Variants in PCDH11X observed in about 807,000 individuals in gnomAD.
PCDH11X encodes protocadherin 11 X-linked, also known as protocadherin-11 X-linked.
A neutral mutation model predicts 53.3 loss-of-function variants in PCDH11X; 18 were observed. The observed-to-expected ratio is 0.34, with a 90% CI of 0.23 to 0.50. PCDH11X has a LOEUF of 0.50. PCDH11X is among the 20% of genes least tolerant of loss of function. The probability of loss-of-function intolerance (pLI) is 0.98; values close to 1 mark genes in which losing one functional copy is unlikely to be tolerated. For missense variants in PCDH11X, 570 were observed against 1,032.4 expected, an observed-to-expected ratio of 0.55 and a Z score of 6.14; for synonymous variants, 279 against 393.3, an observed-to-expected ratio of 0.71 and a Z score of 3.44.
At chrX:91,998,163 A>T (rs1370690178) in intron 6 of PCDH11X, among the ~76,000 whole-genome samples, 1 of 109,947 alleles carries the variant, frequency 9.1e-6, no homozygotes, top group African/African-American at 3.3e-5. Flanking sequence ...CGAACTCCTG[A>T]CCTCAAGTGA....
chrX:92,138,641 C>T (rs1180873377), intron 6 of PCDH11X, among the ~76,000 whole-genome samples: 1 of 110,296 alleles, frequency 9.1e-6, no homozygotes, highest in Non-Finnish European at 1.9e-5. Context: ...ATTATTAGTT[C>T]TTATATTCGT....
At chrX:92,178,402 A>G (rs780926534) in intron 6 of PCDH11X, among the ~76,000 whole-genome samples, 2 of 111,959 alleles carry the variant, frequency 1.8e-5, no homozygotes, top group Non-Finnish European at 3.8e-5. Flanking sequence ...CATTAAATTT[A>G]TTTGACATTC....
intron 1 of PCDH11X, among the ~76,000 whole-genome samples, chrX:91,794,088 A>C: frequency 8.9e-6 from 1 of 112,185 alleles, no homozygotes; most frequent in Non-Finnish European, 1.9e-5. Context: ...GTGCCACTGA[A>C]TATAAGAAAA....
intron 5 of PCDH11X, among the ~76,000 whole-genome samples, chrX:91,839,684 G>T (rs907397067): frequency 9.0e-6 from 1 of 110,588 alleles, no homozygotes; most frequent in Non-Finnish European, 1.9e-5. Context: ...AATTCTGCTT[G>T]TTTAAAAAAT....
intron 8 of PCDH11X, among the ~76,000 whole-genome samples, chrX:92,309,105 A>G (rs1011723784): frequency 8.9e-6 from 1 of 112,035 alleles, no homozygotes; most frequent in African/African-American, 3.2e-5. Flanking sequence ...AATTAAACAG[A>G]ACTGACATAT....
intron 8 of PCDH11X, among the ~76,000 whole-genome samples, chrX:92,327,676 G>A (rs1326366316): frequency 9.1e-6 from 1 of 109,883 alleles, no homozygotes; most frequent in Non-Finnish European, 1.9e-5. Context: ...ATGCACCTGG[G>A]ATTAGTACAG....
intron 6 of PCDH11X, among the ~76,000 whole-genome samples, chrX:91,909,960 G>A (rs2524600): frequency 1.8e-5 from 2 of 111,207 alleles, no homozygotes; most frequent in Non-Finnish European, 3.8e-5. Context: ...TTTCAAGTAC[G>A]CAATACAGTA....
chrX:92,261,940 C>T (rs1232153592), intron 7 of PCDH11X, among the ~76,000 whole-genome samples: 1 of 110,974 alleles, frequency 9.0e-6, no homozygotes, highest in Non-Finnish European at 1.9e-5. Flanking sequence ...TGAATCTGAT[C>T]GATGCAGAGA....
chrX:91,895,744 CATATT>C (rs1199120352), intron 6 of PCDH11X, among the ~76,000 whole-genome samples: 250 of 106,960 alleles, frequency 2.3e-3, no homozygotes, highest in Non-Finnish European at 4.1e-3. Flanking sequence ...ATATATAATA[CATATT>C]ATATTATATA....
At chrX:92,584,507 T>G (rs1209748358) in intron 10 of PCDH11X, among the ~76,000 whole-genome samples, 1 of 110,900 alleles carries the variant, frequency 9.0e-6, no homozygotes, top group East Asian at 2.8e-4. Flanking sequence ...ATTAAACAAT[T>G]TAGAAGAGAT....
chrX:92,352,964 C>G (rs746101757), intron 8 of PCDH11X, among the ~76,000 whole-genome samples: 21 of 110,289 alleles, frequency 1.9e-4, no homozygotes, highest in African/African-American at 6.9e-4. Context: ...GAACAAAAGT[C>G]CATGATTCAA....
At chrX:92,101,433 G>A (rs1334476023) in intron 6 of PCDH11X, among the ~76,000 whole-genome samples, 1 of 111,533 alleles carries the variant, frequency 9.0e-6, no homozygotes, top group East Asian at 2.8e-4. Flanking sequence ...TGGTGGCTGA[G>A]CTTGGTGAGG....
intron 6 of PCDH11X, among the ~76,000 whole-genome samples, chrX:92,169,753 T>A (rs2065792178): frequency 9.1e-6 from 1 of 110,324 alleles, no homozygotes; most frequent in Admixed American, 9.8e-5. Context: ...AGTAATGACA[T>A]CAAATTACTA....
At chrX:92,405,890 C>T (rs1452523883) in intron 9 of PCDH11X, among the ~76,000 whole-genome samples, 1 of 110,205 alleles carries the variant, frequency 9.1e-6, no homozygotes, top group Non-Finnish European at 1.9e-5. Context: ...GTCAGGAGAT[C>T]GAGACCATCC....
chrX:92,621,769 T>A lies in PCDH11X; in HGVS notation c.*2829T>A, dbSNP rs1431321824. 29 of 111,798 alleles carry A rather than the reference T, an allele frequency of 2.6e-4. No individual in the cohort carries two copies. Among genetic ancestry groups the A allele is most frequent in the African/African-American group, 8.8e-4 (27 of 30,705 alleles). 9.2% of individuals were successfully genotyped at this position (111,798 alleles called of 1,213,427 possible). A position where few individuals can be genotyped will look rare whatever the true frequency, so the allele number is the denominator to read the frequency against. ...GTAGTCCTACAACTGCAAAACGTCT[T>A]ACTGAACCAACAATCAAAAAATGGT... is the stretch of plus-strand genomic sequence containing the variant. On this transcript the variant is annotated 3_prime_UTR_variant, in exon 11 of 11. Coordinates refer to ENST00000682573, the MANE Select transcript of PCDH11X (RefSeq NM_032968.5).
chrX:92,219,498 A>T (rs1453545462), intron 7 of PCDH11X, among the ~76,000 whole-genome samples: 1 of 110,392 alleles, frequency 9.1e-6, no homozygotes, highest in Non-Finnish European at 1.9e-5. Flanking sequence ...AAGGGACGTG[A>T]AGGCCCTCTT....
intron 8 of PCDH11X, among the ~76,000 whole-genome samples, chrX:92,384,621 G>A (rs1300839210): frequency 1.1e-5 from 1 of 92,984 alleles, no homozygotes; most frequent in Non-Finnish European, 2.2e-5. Context: ...TGATTGGTCA[G>A]TGGTGAAATC....
chrX:92,072,777 G>A (rs1434078302), intron 6 of PCDH11X, among the ~76,000 whole-genome samples: 1 of 111,368 alleles, frequency 9.0e-6, no homozygotes, highest in Non-Finnish European at 1.9e-5. Flanking sequence ...CATGGTGCAA[G>A]CACTCCCATA....
At chrX:92,388,055 G>A in intron 9 of PCDH11X, 122 bp downstream of exon 9, 1 of 1,029,598 alleles carries the variant, frequency 9.7e-7, no homozygotes, top group Admixed American at 2.6e-5. Flanking sequence ...ACACATTTTT[G>A]AAAGGTAAAC....
Sources: gnomAD v4.1 joint callset for allele counts (sites outside exome capture counted in the v4.1 genomes callset) on GRCh38, gnomAD v4.1.1 for gene constraint, MANE v1.5 for transcripts, NCBI Gene and HGNC (gene_info 2026-07-23, HGNC 2026-07-21) for gene names.